The following PHACTR4 variants were observed in gnomAD, a reference collection of about 807,000 sequenced individuals.
PHACTR4 encodes the protein phosphatase and actin regulator 4.
A neutral mutation model predicts 72.7 loss-of-function variants in PHACTR4; 51 were observed. That is an observed-to-expected ratio of 0.70 (90% CI 0.56 to 0.89). The LOEUF (loss-of-function observed/expected upper bound fraction) is 0.89, where lower values mean the gene tolerates loss of function less well. PHACTR4 is among the 40% of genes least tolerant of loss of function. PHACTR4 has a pLI of 0.00. For synonymous variants in PHACTR4, 255 were observed against 302.5 expected (o/e 0.84, Z 1.63); for missense variants, 731 against 861.8 (o/e 0.85, Z 1.90).
intron 1 of PHACTR4, among the ~76,000 whole-genome samples, chr1:28,394,584 C>T (rs994391345): frequency 6.6e-6 from 1 of 150,740 alleles, no homozygotes; most frequent in Non-Finnish European, 1.5e-5. Context: ...AGCCACCTCT[C>T]CTGGCCATCT....
At chr1:28,475,187 G>A (rs1422375955) in intron 7 of PHACTR4, among the ~76,000 whole-genome samples, 1 of 152,048 alleles carries the variant, frequency 6.6e-6, no homozygotes, top group Non-Finnish European at 1.5e-5. Flanking sequence ...CTGGGCTCAA[G>A]CAGTCTGCCT....
chr1:28,468,825 C>CACTGATG (rs1482263779), intron 6 of PHACTR4, among the ~76,000 whole-genome samples: 5 of 152,186 alleles, frequency 3.3e-5, no homozygotes, highest in African/African-American at 1.2e-4. Flanking sequence ...TCCCAGATGA[C>CACTGATG]ACTGATGCTG....
chr1:28,468,293 C>G (rs2124489440), intron 6 of PHACTR4, among the ~76,000 whole-genome samples: 1 of 152,202 alleles, frequency 6.6e-6, no homozygotes, highest in African/African-American at 2.4e-5. Flanking sequence ...GACATTGTGA[C>G]TCATTCAAGG....
At chr1:28,394,463 A>C (rs982999860) in intron 1 of PHACTR4, among the ~76,000 whole-genome samples, 3 of 152,036 alleles carry the variant, frequency 2.0e-5, no homozygotes, top group Admixed American at 6.6e-5. Flanking sequence ...TTTTTAAAAA[A>C]TTGTTTTTAT....
At chr1:28,446,548 A>T (rs927463176) in intron 2 of PHACTR4, among the ~76,000 whole-genome samples, 1 of 152,148 alleles carries the variant, frequency 6.6e-6, no homozygotes. Flanking sequence ...TGGGAGGCCG[A>T]GGCAGGTGGA....
intron 1 of PHACTR4, among the ~76,000 whole-genome samples, chr1:28,380,574 C>T (rs148661246): frequency 2.1e-3 from 315 of 152,216 alleles, no homozygotes; most frequent in African/African-American, 7.3e-3. Context: ...TCTCATCATG[C>T]AATATTTGGA....
intron 2 of PHACTR4, among the ~76,000 whole-genome samples, chr1:28,447,163 C>T (rs1243136240): frequency 6.6e-6 from 1 of 151,870 alleles, no homozygotes; most frequent in African/African-American, 2.4e-5. Flanking sequence ...AGGCGCGTGC[C>T]ACCAAGCCTG....
Position 28,369,754 on chromosome 1 carries a change from C to T in PHACTR4, c.-110C>T, listed in dbSNP as rs748036254. On this transcript the variant is annotated 5_prime_UTR_variant, in exon 1 of 14. Coordinates refer to ENST00000373839, the MANE Select transcript of PHACTR4 (RefSeq NM_001048183.3). ...GCCAAGGGCTCCGGCTGCTGCCTGGCGGCCAACGGGCCAGGTAGGATTTCC... is the reference window on the plus strand; with the variant it reads ...GCCAAGGGCTCCGGCTGCTGCCTGGTGGCCAACGGGCCAGGTAGGATTTCC... The T allele has an allele frequency of 6.7e-6, 3 of 445,240 alleles. No individual in the cohort carries two copies. In the East Asian group the frequency reaches 2.3e-4, roughly 33 times the overall value. 27.6% of individuals were successfully genotyped at this position (445,240 alleles called of 1,614,324 possible). A position where few individuals can be genotyped will look rare whatever the true frequency, so the allele number is the denominator to read the frequency against.
At chr1:28,471,994 G>A (rs146861477) in intron 6 of PHACTR4, among the ~76,000 whole-genome samples, 7,888 of 151,938 alleles carry the variant, frequency 0.052, 344 homozygotes, top group African/African-American at 0.11. Flanking sequence ...GGCGGATCAC[G>A]AGGTCAGGAG....
At chr1:28,474,975 G>A (rs1028129809) in intron 7 of PHACTR4, among the ~76,000 whole-genome samples, 6 of 150,430 alleles carry the variant, frequency 4.0e-5, no homozygotes, top group African/African-American at 1.5e-4. Context: ...GTTTGAGACA[G>A]GTTCTCACTC....
At chr1:28,408,959 C>T (rs1005633331) in intron 2 of PHACTR4, among the ~76,000 whole-genome samples, 7 of 150,540 alleles carry the variant, frequency 4.6e-5, no homozygotes, top group Admixed American at 4.0e-4. Context: ...GAATTACAGG[C>T]GTGAGCCACT....
chr1:28,371,011 C>T (rs1268685535), intron 1 of PHACTR4, among the ~76,000 whole-genome samples: 3 of 152,204 alleles, frequency 2.0e-5, no homozygotes, highest in Non-Finnish European at 2.9e-5. Flanking sequence ...CGCGGAACTG[C>T]GTGGATTGTG....
At chr1:28,391,389 ATT>A (rs1415349228) in intron 1 of PHACTR4, among the ~76,000 whole-genome samples, 1 of 150,956 alleles carries the variant, frequency 6.6e-6, no homozygotes, top group South Asian at 2.1e-4. Flanking sequence ...ACAGAGGGAG[ATT>A]CTGTCTCAAA....
At chr1:28,475,544 A>G (rs149991525) in intron 7 of PHACTR4, among the ~76,000 whole-genome samples, 1 of 152,192 alleles carries the variant, frequency 6.6e-6, no homozygotes, top group African/African-American at 2.4e-5. Flanking sequence ...GGCTTGTGAG[A>G]ATGACATTAG....
chr1:28,417,948 CAAA>C (rs745690078), intron 2 of PHACTR4, among the ~76,000 whole-genome samples: 92 of 83,470 alleles, frequency 1.1e-3, no homozygotes, highest in Admixed American at 2.6e-3. Context: ...GGAGACCCTA[CAAA>C]AAAAAAAAAA....
chr1:28,472,554 A>G (rs79523955), intron 6 of PHACTR4, among the ~76,000 whole-genome samples: 9,892 of 151,998 alleles, frequency 0.065, 497 homozygotes, highest in Non-Finnish European at 0.099. Context: ...ACTAATACTT[A>G]TTTTATGCTA....
chr1:28,462,416 C>T (rs936474200), intron 4 of PHACTR4, among the ~76,000 whole-genome samples: 1 of 151,792 alleles, frequency 6.6e-6, no homozygotes, highest in Non-Finnish European at 1.5e-5. Flanking sequence ...TTGTTTTTCA[C>T]CTTCAGTCTC....
intron 1 of PHACTR4, among the ~76,000 whole-genome samples, chr1:28,398,854 A>G (rs1333937363): frequency 2.0e-5 from 3 of 151,824 alleles, no homozygotes; most frequent in African/African-American, 4.8e-5. Context: ...TTAAATACTG[A>G]TATTCAAAAA....
At chr1:28,384,551 CT>C (rs932085156) in intron 1 of PHACTR4, among the ~76,000 whole-genome samples, 9 of 152,102 alleles carry the variant, frequency 5.9e-5, no homozygotes, top group African/African-American at 1.7e-4. Context: ...AATCTTCTCT[CT>C]TTTTGTCTTT....
Sources: gnomAD v4.1 joint callset for allele counts (sites outside exome capture counted in the v4.1 genomes callset) on GRCh38, gnomAD v4.1.1 for gene constraint, MANE v1.5 for transcripts, NCBI Gene and HGNC (gene_info 2026-07-23, HGNC 2026-07-21) for gene names.